AP1M1: variants seen among roughly 807,000 people sequenced by gnomAD.
The protein encoded by AP1M1 is adaptor related protein complex 1 subunit mu 1.
In AP1M1, 18 loss-of-function variants were observed where a neutral mutation model predicts 57.1. The observed-to-expected ratio is 0.32, with a 90% CI of 0.22 to 0.47. The LOEUF is 0.47. Ranked by LOEUF, AP1M1 falls within the 20% of genes least tolerant of loss-of-function variation. The pLI, the probability that AP1M1 is intolerant of heterozygous loss-of-function variation, is 1.00. For synonymous variants in AP1M1, 241 were observed against 237.9 expected, an observed-to-expected ratio of 1.01 and a Z score of -0.12; for missense variants, 362 against 593.5, an observed-to-expected ratio of 0.61 and a Z score of 4.05.
Position 16,227,704 on chromosome 19 carries a change from C to T in AP1M1, c.816+14C>T. On this transcript the variant is annotated intron_variant, in intron 7 of 11. Coordinates refer to ENST00000291439, the MANE Select transcript of AP1M1 (RefSeq NM_032493.4). This position sits in a 1 kb window ranked among gnomAD's most constrained non-coding sequence, Gnocchi z 6.2. ...CTCAACACCCACGTGAGTGCGCCAC[C>T]CTGGGGCTGGGCTGTCGGCAGACTC... The T allele has an allele frequency of 1.2e-6, 2 of 1,611,236 alleles. No individual in the cohort carries two copies. The highest frequency in any genetic ancestry group is 1.7e-6 in the Non-Finnish European group (2 of 1,178,078).
chr19:16,212,234 T>G (rs2091497784), intron 5 of AP1M1, among the ~76,000 whole-genome samples: 1 of 151,820 alleles, frequency 6.6e-6, no homozygotes, highest in Non-Finnish European at 1.5e-5. Context: ...CTGGTCCAGG[T>G]TTTTTTTGGT....
At chr19:16,204,739 G>A (rs189700795) in intron 2 of AP1M1, among the ~76,000 whole-genome samples, 1 of 152,254 alleles carries the variant, frequency 6.6e-6, no homozygotes. Context: ...CATGTGGGCC[G>A]TGCTGGCCCA....
At chr19:16,220,239 C>G (rs1022857301) in intron 5 of AP1M1, among the ~76,000 whole-genome samples, 6 of 152,124 alleles carry the variant, frequency 3.9e-5, no homozygotes, top group Non-Finnish European at 1.5e-5. Context: ...GGGCTTCGAT[C>G]TGTTGCCCAG....
In AP1M1 at chr19:16,206,949, G is replaced by A. The variant is rs368173944; in HGVS notation, c.267+541G>A. On this transcript the variant is annotated intron_variant, in intron 3 of 11. Transcript: ENST00000291439. The surrounding 1 kb of genome is among the most constrained non-coding windows in gnomAD (Gnocchi z 4.3). ...GCGTGTGGCAGAGTATGAGGCTGAG[G>A]TCAGCTGGGAAGAGGGCGGATTATA... Among the ~76,000 whole-genome samples the A allele has an allele frequency of 2.0e-5, 3 of 152,340 alleles. No homozygotes were observed. The highest frequency in any genetic ancestry group is 3.9e-4 in the East Asian group (2 of 5,180).
chr19:16,197,975 T>TCGCTGCCGCCGCCACCGCCTTCGGC lies in AP1M1; in HGVS notation c.-33_-32insTTCGGCCGCTGCCGCCGCCACCGCC. Reference sequence around the variant, plus strand: ...GCTCAACGCCCAGCAGTCCCCACCGTCGCTGCCGCCGCCACCGCCCTCGGC... The same window carrying TCGCTGCCGCCGCCACCGCCTTCGGC: ...GCTCAACGCCCAGCAGTCCCCACCGTCGCTGCCGCCGCCACCGCCTTCGGCCGCTGCCGCCGCCACCGCCCTCGGC... On this transcript the variant is annotated 5_prime_UTR_variant, in exon 1 of 12. Coordinates refer to ENST00000291439, the MANE Select transcript of AP1M1 (RefSeq NM_032493.4). The TCGCTGCCGCCGCCACCGCCTTCGGC allele has an allele frequency of 6.9e-7, 1 of 1,451,820 alleles. No homozygotes were observed. 89.9% of individuals were successfully genotyped at this position (1,451,820 alleles called of 1,614,324 possible). A position where few individuals can be genotyped will look rare whatever the true frequency, so the allele number is the denominator to read the frequency against.
rs1003647279 is a variant in AP1M1, at chr19:16,241,603, C to G, written c.*7168C>G. 1.2e-4 allele frequency: 18 copies of G among 152,012 alleles called. No homozygotes were observed. Among genetic ancestry groups the G allele is most frequent in the African/African-American group, 4.3e-4 (18 of 41,438 alleles). 9.4% of individuals were successfully genotyped at this position (152,012 alleles called of 1,614,324 possible). A position where few individuals can be genotyped will look rare whatever the true frequency, so the allele number is the denominator to read the frequency against. ...ATTCGGCTAAAGTCCACGAGGGCCA[C>G]GTATTTATATATAATTTCTAGACCA... is the stretch of plus-strand genomic sequence containing the variant. On this transcript the variant is annotated 3_prime_UTR_variant, in exon 12 of 12. Transcript: ENST00000291439.
chr19:16,226,058 G>T (rs1307409336), intron 5 of AP1M1, among the ~76,000 whole-genome samples: 1 of 152,138 alleles, frequency 6.6e-6, no homozygotes, highest in Admixed American at 6.5e-5. Context: ...CTCCTGGGAG[G>T]GAGGGACTGG....
Position 16,235,266 on chromosome 19 carries a change from G to A in AP1M1, c.*831G>A, listed in dbSNP as rs1018032347. ...GAGAGCGGGGCCACGTGTCACCCAC[G>A]TCTGCGCTTGGTCACCCGTCCTCCC... On this transcript the variant is annotated 3_prime_UTR_variant, in exon 12 of 12. Coordinates refer to ENST00000291439, the MANE Select transcript of AP1M1 (RefSeq NM_032493.4). 10 of 152,302 alleles carry A rather than the reference G, an allele frequency of 6.6e-5. No individual in the cohort carries two copies. Among genetic ancestry groups the A allele is most frequent in the East Asian group, 5.8e-4 (3 of 5,196 alleles). 9.4% of individuals were successfully genotyped at this position (152,302 alleles called of 1,614,324 possible).
chr19:16,221,349 G>A (rs1325706320), intron 5 of AP1M1, among the ~76,000 whole-genome samples: 1 of 152,198 alleles, frequency 6.6e-6, no homozygotes, highest in Non-Finnish European at 1.5e-5. Flanking sequence ...TGCAGAAAGG[G>A]TGCTCCTCGC....
rs1179303332 is a variant in AP1M1 at position 16,215,200 on chromosome 19, CGGGGGGGGGGGAGAG to C, written c.546+6029_546+6043del. ...GCACTTTGGGAGGCTAAGGCGGGGGCGGGGGGGGGGGAGAGGGGGGAGGGGGGAGGGGAGGGGATC... is the reference window on the plus strand; with the variant it reads ...GCACTTTGGGAGGCTAAGGCGGGGGCGGGGGAGGGGGGAGGGGAGGGGATC... On this transcript the variant is annotated intron_variant, in intron 5 of 11. Coordinates refer to ENST00000291439, the MANE Select transcript of AP1M1 (RefSeq NM_032493.4). 1.4e-3 allele frequency among the ~76,000 whole-genome samples: 10 copies of C among 7,372 alleles called. 3 individuals are homozygous for C. In the East Asian group the frequency reaches 0.04, roughly 29 times the overall value. 4.8% of individuals were successfully genotyped at this position (7,372 alleles called of 152,430 possible). A position where few individuals can be genotyped will look rare whatever the true frequency, so the allele number is the denominator to read the frequency against.
Position 16,203,578 on chromosome 19 carries a change from G to A in AP1M1, c.162G>A (p.Gly54=), listed in dbSNP as rs766957694. 16 of 1,613,834 alleles carry A rather than the reference G, an allele frequency of 9.9e-6. No homozygotes were observed. The highest frequency in any genetic ancestry group is 1.6e-4 in the Middle Eastern group (1 of 6,062). ...TGTCGCCCATCCTGGCCCACGGGGG[G>A]GTCCGTTTCATGTGGATCAAACACA... ...GMLSPILAHG[G]VRFMWIKHNN... Residue 54 remains glycine, a synonymous_variant, in exon 2 of 12, where the codon GGG becomes GGA. Coordinates refer to ENST00000291439, the MANE Select transcript of AP1M1 (RefSeq NM_032493.4). The surrounding 1 kb of genome is among the most constrained non-coding windows in gnomAD (Gnocchi z 4.6).
chr19:16,226,718 G>C (rs1217834173), intron 6 of AP1M1, 171 bp downstream of exon 6: 5 of 875,356 alleles, frequency 5.7e-6, no homozygotes, highest in Non-Finnish European at 8.3e-6. Context: ...TCCTTCCCTG[G>C]ACATAGAAGG....
At chr19:16,200,166 A>G (rs2091441219) in intron 1 of AP1M1, among the ~76,000 whole-genome samples, 1 of 152,184 alleles carries the variant, frequency 6.6e-6, no homozygotes, top group Non-Finnish European at 1.5e-5. Flanking sequence ...AAGCAGAGAC[A>G]TTACCACACA....
chr19:16,211,277 C>T (rs547149915), intron 5 of AP1M1, among the ~76,000 whole-genome samples: 3 of 151,526 alleles, frequency 2.0e-5, no homozygotes, highest in Admixed American at 1.3e-4. Context: ...TATTTTTAGT[C>T]GAGACAGGGT....
chr19:16,210,752 G>T (rs932573104), intron 5 of AP1M1, among the ~76,000 whole-genome samples: 2 of 151,942 alleles, frequency 1.3e-5, no homozygotes, highest in Admixed American at 6.6e-5. Flanking sequence ...TAGAGACGGG[G>T]TTTCACCATG....
At position 16,234,702 on chromosome 19, in the gene AP1M1, C is replaced by T. The variant is rs151308579; in HGVS notation, c.*267C>T. 313 of 580,884 alleles carry T rather than the reference C, an allele frequency of 5.4e-4. No individual in the cohort carries two copies. In the East Asian group the frequency reaches 6.6e-3, roughly 12 times the overall value. 36.0% of individuals were successfully genotyped at this position (580,884 alleles called of 1,614,324 possible). A position where few individuals can be genotyped will look rare whatever the true frequency, so the allele number is the denominator to read the frequency against. Reference sequence around the variant, plus strand: ...TCAGGGGAAGGATGTGAAATTTTTCCGTGTAGAGGTTACAGCCTTTTATGC... The same window carrying T: ...TCAGGGGAAGGATGTGAAATTTTTCTGTGTAGAGGTTACAGCCTTTTATGC... On this transcript the variant is annotated 3_prime_UTR_variant, in exon 12 of 12. Transcript: ENST00000291439.
chr19:16,236,621 GCCCTCCA>G lies in AP1M1; in HGVS notation c.*2190_*2196del, dbSNP rs1225304186. The G allele has an allele frequency of 1.3e-5, 2 of 152,148 alleles. No individual in the cohort carries two copies. The highest frequency in any genetic ancestry group is 4.8e-5 in the African/African-American group (2 of 41,424). 9.4% of individuals were successfully genotyped at this position (152,148 alleles called of 1,614,324 possible). A position where few individuals can be genotyped will look rare whatever the true frequency, so the allele number is the denominator to read the frequency against. ...AAAAGATGGACTAGAAAAAACATTT[GCCCTCCA>G]CCCCTGAGAATAAGCACTGTGTCCT... On this transcript the variant is annotated 3_prime_UTR_variant, in exon 12 of 12. Transcript: ENST00000291439.
In AP1M1 at chr19:16,234,631, A is replaced by G; in HGVS notation, c.*196A>G. The G allele has an allele frequency of 1.6e-6, 1 of 640,600 alleles. No individual in the cohort carries two copies. The highest frequency in any genetic ancestry group is 2.9e-5 in the Admixed American group (1 of 34,494). 39.7% of individuals were successfully genotyped at this position (640,600 alleles called of 1,614,324 possible). A position where few individuals can be genotyped will look rare whatever the true frequency, so the allele number is the denominator to read the frequency against. On this transcript the variant is annotated 3_prime_UTR_variant, in exon 12 of 12. Transcript: ENST00000291439. ...GTCTCAGAAGCCCCTTTCCCAGAAG[A>G]GGCTGGTCTTCAAGAAGTCTCGTTT...
rs747761115 is a variant in AP1M1 at position 16,198,015 on chromosome 19, C to T, written c.-12C>T. On this transcript the variant is annotated 5_prime_UTR_variant, in exon 1 of 12. Transcript: ENST00000291439. ...CCGCCCTCGGCCGCTGCCGAGGCCT[C>T]CTGCAGCCATCATGTCCGCCAGCGC... 8.6e-5 allele frequency: 137 copies of T among 1,589,458 alleles called. No homozygotes were observed. Among genetic ancestry groups the T allele is most frequent in the Non-Finnish European group, 1.4e-5 (16 of 1,171,888 alleles).
Sources: allele counts gnomAD v4.1 joint callset (sites outside exome capture counted in the v4.1 genomes callset), GRCh38; gene constraint gnomAD v4.1.1; non-coding constraint Gnocchi (gnomAD v3.1); transcripts MANE v1.5; gene names NCBI Gene and HGNC (gene_info 2026-07-23, HGNC 2026-07-21).